KAZN: variants seen among roughly 807,000 people sequenced by gnomAD.
KAZN encodes the protein kazrin.
Under a neutral mutation model 87.4 loss-of-function variants are expected in KAZN, and 40 were observed. The observed-to-expected ratio is 0.46, with a 90% CI of 0.36 to 0.60. The LOEUF (loss-of-function observed/expected upper bound fraction) is 0.60. Among genes scored for constraint, KAZN ranks in the 20% least tolerant of loss-of-function variants. KAZN has a pLI of 0.00. For missense variants in KAZN, 898 were observed against 1,073.9 expected (o/e 0.84, Z 2.29); for synonymous variants, 466 against 458.3 (o/e 1.02, Z -0.22).
intron 1 of KAZN, among the ~76,000 whole-genome samples, chr1:13,909,897 T>C (rs576090352): frequency 9.2e-4 from 140 of 152,286 alleles, no homozygotes; most frequent in African/African-American, 3.2e-3. Context: ...CCGCTTCAAA[T>C]GTTGAGGCTC....
intron 2 of KAZN, among the ~76,000 whole-genome samples, chr1:14,420,674 G>T (rs1432436317): frequency 6.6e-6 from 1 of 152,222 alleles, no homozygotes; most frequent in African/African-American, 2.4e-5. Context: ...GGCCTGGCGA[G>T]AATTCGAGTG....
At chr1:14,320,384 C>T (rs957497852) in intron 2 of KAZN, among the ~76,000 whole-genome samples, 3 of 152,092 alleles carry the variant, frequency 2.0e-5, no homozygotes, top group Non-Finnish European at 4.4e-5. Flanking sequence ...GATTCTTATA[C>T]ACAAACAGAT....
chr1:15,101,652 C>A lies in KAZN; in HGVS notation c.1657C>A (p.Arg553=). The A allele has an allele frequency of 6.3e-7, 1 of 1,578,770 alleles. No homozygotes were observed. The highest frequency in any genetic ancestry group is 8.6e-7 in the Non-Finnish European group (1 of 1,161,740). ...QAFQNHLVDG[R]MLNSLMKRDL... is the part of the protein sequence containing the mutation. ...CTTTCAGAACCACCTGGTTGATGGG[C>A]GGATGCTGAATTCCCTGATGAAGCG... The change falls in exon 11 of 15, where the codon CGG becomes AGG. Residue 553 remains arginine, a synonymous_variant. Transcript: ENST00000376030.
chr1:14,629,607 T>C (rs1297331036), intron 1 of KAZN, among the ~76,000 whole-genome samples: 3 of 152,206 alleles, frequency 2.0e-5, no homozygotes, highest in Non-Finnish European at 4.4e-5. Context: ...GGTCCAAAGA[T>C]GGCTGCCACG....
intron 2 of KAZN, among the ~76,000 whole-genome samples, chr1:14,504,390 G>A (rs375557617): frequency 3.2e-4 from 49 of 152,322 alleles, no homozygotes; most frequent in African/African-American, 1.2e-3. Flanking sequence ...ATGGAAACAA[G>A]TGAAAACTAG....
At chr1:14,829,484 C>A (rs576468031) in intron 1 of KAZN, among the ~76,000 whole-genome samples, 3 of 152,282 alleles carry the variant, frequency 2.0e-5, no homozygotes, top group African/African-American at 7.2e-5. Flanking sequence ...GCAGGAGGAT[C>A]TCTTGAGCTC....
intron 1 of KAZN, among the ~76,000 whole-genome samples, chr1:14,947,602 A>T (rs1661982535): frequency 6.6e-6 from 1 of 152,242 alleles, no homozygotes; most frequent in South Asian, 2.1e-4. Flanking sequence ...TCCAGTGGTT[A>T]GGAACATGAG....
chr1:14,716,884 A>G (rs2100253776), intron 1 of KAZN, among the ~76,000 whole-genome samples: 1 of 152,132 alleles, frequency 6.6e-6, no homozygotes, highest in South Asian at 2.1e-4. Flanking sequence ...TTGTCAAAGA[A>G]GAGGGTGCCA....
At chr1:14,098,433 C>T (rs1319044778) in intron 1 of KAZN, among the ~76,000 whole-genome samples, 1 of 152,074 alleles carries the variant, frequency 6.6e-6, no homozygotes, top group East Asian at 1.9e-4. Flanking sequence ...ATAGTATGCT[C>T]CTTTATGCTG....
intron 2 of KAZN, among the ~76,000 whole-genome samples, chr1:14,962,747 G>A (rs560017495): frequency 2.0e-5 from 3 of 152,242 alleles, no homozygotes; most frequent in South Asian, 2.1e-4. Context: ...CAACCTCCAC[G>A]TCTTTGACCA....
intron 1 of KAZN, among the ~76,000 whole-genome samples, chr1:14,778,279 T>C (rs552208582): frequency 6.6e-6 from 1 of 152,218 alleles, no homozygotes; most frequent in African/African-American, 2.4e-5. Flanking sequence ...GAAACATTTA[T>C]AGTTGGTGGT....
chr1:14,028,808 A>G (rs1401774370), intron 1 of KAZN, among the ~76,000 whole-genome samples: 1 of 151,996 alleles, frequency 6.6e-6, no homozygotes, highest in Non-Finnish European at 1.5e-5. Context: ...TGAACTCATC[A>G]TTTTTTATGG....
chr1:14,221,485 C>T (rs890979768), intron 2 of KAZN, among the ~76,000 whole-genome samples: 3 of 152,030 alleles, frequency 2.0e-5, no homozygotes, highest in Non-Finnish European at 4.4e-5. Flanking sequence ...AGATAAGTTG[C>T]CTCCGAGAAG....
At chr1:14,501,702 T>C (rs923753722) in intron 2 of KAZN, among the ~76,000 whole-genome samples, 1 of 152,138 alleles carries the variant, frequency 6.6e-6, no homozygotes, top group Non-Finnish European at 1.5e-5. Flanking sequence ...TTAATATTGA[T>C]AAATGGCAAT....
intron 2 of KAZN, among the ~76,000 whole-genome samples, chr1:14,267,860 T>C (rs1203852507): frequency 6.6e-6 from 1 of 152,134 alleles, no homozygotes; most frequent in African/African-American, 2.4e-5. Flanking sequence ...CTTGGGACGC[T>C]GAGGCAGGAG....
At chr1:14,269,216 A>G (rs1471600260) in intron 2 of KAZN, among the ~76,000 whole-genome samples, 1 of 152,146 alleles carries the variant, frequency 6.6e-6, no homozygotes, top group African/African-American at 2.4e-5. Flanking sequence ...CCAAAGGGCC[A>G]CGTATATAAA....
chr1:14,092,293 G>A (rs1410755400), intron 1 of KAZN, among the ~76,000 whole-genome samples: 2 of 151,108 alleles, frequency 1.3e-5, no homozygotes, highest in African/African-American at 4.8e-5. Context: ...GGGTTTCACT[G>A]TGTTAGCCAG....
At chr1:14,444,474 G>A (rs1015094984) in intron 2 of KAZN, among the ~76,000 whole-genome samples, 8 of 151,990 alleles carry the variant, frequency 5.3e-5, no homozygotes, top group Middle Eastern at 3.4e-3. Context: ...CACCTTGCCC[G>A]GCTAATTTTG....
intron 2 of KAZN, among the ~76,000 whole-genome samples, chr1:14,240,878 G>GGTACC (rs1269029749): frequency 6.6e-6 from 1 of 152,234 alleles, no homozygotes. Context: ...GAGTTAGAGA[G>GGTACC]GTACCACCAA....
Sources: allele counts gnomAD v4.1 joint callset (sites outside exome capture counted in the v4.1 genomes callset), GRCh38; gene constraint gnomAD v4.1.1; transcripts MANE v1.5; gene names NCBI Gene and HGNC (gene_info 2026-07-23, HGNC 2026-07-21).